Variants in ABHD6 observed in about 807,000 individuals in gnomAD.
ABHD6 encodes the protein monoacylglycerol lipase ABHD6.
In ABHD6, 33 loss-of-function variants were observed where a neutral mutation model predicts 38.8. That is an observed-to-expected ratio of 0.85 (90% CI 0.64 to 1.14). The LOEUF is 1.14. ABHD6 is among the 50% of genes most tolerant of loss of function. The pLI, the probability that ABHD6 is intolerant of heterozygous loss-of-function variation, is 0.00. For missense variants in ABHD6, 380 were observed against 422.6 expected, an observed-to-expected ratio of 0.90 and a Z score of 0.88; for synonymous variants, 147 against 161.6, an observed-to-expected ratio of 0.91 and a Z score of 0.69.
chr3:58,252,553 C>T (rs562830419), intron 2 of ABHD6, among the ~76,000 whole-genome samples: 3 of 152,172 alleles, frequency 2.0e-5, no homozygotes, highest in African/African-American at 7.2e-5. Flanking sequence ...CTCTTTGACC[C>T]AAGCAGGACT....
chr3:58,261,739 A>G (rs777673374), intron 3 of ABHD6, among the ~76,000 whole-genome samples: 6 of 152,188 alleles, frequency 3.9e-5, no homozygotes, highest in Non-Finnish European at 7.3e-5. Context: ...GGAACCCCCT[A>G]TGCACTGCTG....
At position 58,293,768 on chromosome 3, in the gene ABHD6, C is replaced by A; in HGVS notation, c.*3C>A. 1.2e-6 allele frequency: 2 copies of A among 1,613,336 alleles called. No homozygotes were observed. The highest frequency in any genetic ancestry group is 2.2e-5 in the South Asian group (2 of 91,060). On this transcript the variant is annotated 3_prime_UTR_variant, in exon 10 of 10. Coordinates refer to ENST00000478253, the MANE Select transcript of ABHD6 (RefSeq NM_001320126.2). This position sits in a 1 kb window ranked among gnomAD's most constrained non-coding sequence, Gnocchi z 4.4. ...ACAACAACAAGAAGCTGGACTGAGG[C>A]CCCGACTGCAGCCTGCATTCTGCAC...
chr3:58,254,485 T>A (rs2097431930), intron 2 of ABHD6, among the ~76,000 whole-genome samples: 4 of 152,244 alleles, frequency 2.6e-5, no homozygotes, highest in Admixed American at 2.6e-4. Flanking sequence ...AAAAGTGTGC[T>A]GACCCTTGTG....
At chr3:58,283,326 G>GAA in intron 7 of ABHD6, among the ~76,000 whole-genome samples, 1 of 152,282 alleles carries the variant, frequency 6.6e-6, no homozygotes, top group Non-Finnish European at 1.5e-5. Context: ...AACACCAAGA[G>GAA]AAAAATAAAT....
intron 9 of ABHD6, among the ~76,000 whole-genome samples, chr3:58,286,025 GTT>G (rs60835863): frequency 5.9e-4 from 81 of 136,738 alleles, no homozygotes; most frequent in Admixed American, 1.2e-3. Flanking sequence ...TTGTTCTTTT[GTT>G]TTTTTTTTTT....
chr3:58,270,858 G>C (rs767925986), intron 5 of ABHD6, 74 bp from the exon 6 acceptor site: 14 of 1,459,584 alleles, frequency 9.6e-6, no homozygotes, highest in Non-Finnish European at 1.3e-5. Context: ...AGTCCAGGGG[G>C]CTTCTATGCT....
intron 2 of ABHD6, among the ~76,000 whole-genome samples, chr3:58,254,691 G>A (rs1199851771): frequency 1.4e-4 from 22 of 152,104 alleles, no homozygotes; most frequent in Admixed American, 1.4e-3. Flanking sequence ...ACTTAGCACA[G>A]ATGGCAGGGA....
intron 1 of ABHD6, among the ~76,000 whole-genome samples, chr3:58,246,757 C>T (rs146995611): frequency 2.1e-3 from 316 of 152,154 alleles, no homozygotes; most frequent in African/African-American, 7.1e-3. Flanking sequence ...CAGGATAGAA[C>T]AATAAGAACG....
In ABHD6 at chr3:58,245,267, C is replaced by T. The variant is rs561658530; in HGVS notation, c.-90-4611C>T. 2.3e-4 allele frequency among the ~76,000 whole-genome samples: 35 copies of T among 152,276 alleles called. No homozygotes were observed. The East Asian group carries it at 5.4e-3, about 24-fold the overall frequency. On this transcript the variant is annotated intron_variant, in intron 1 of 9. Transcript: ENST00000478253. The stretch of plus-strand genomic sequence containing the variant: ...GCAAACTCTGCCTCCCAGGTTCAAG[C>T]GATTCTCCTGCCTCAGCCTCCTGAG...
chr3:58,269,556 C>A lies in ABHD6; in HGVS notation c.390+122C>A. Reference sequence around the variant, plus strand: ...ATGACCAGTCTCCTGTACATTCTGTCTACAAGTGATGGCAAGCCAAATGGC... The same window carrying A: ...ATGACCAGTCTCCTGTACATTCTGTATACAAGTGATGGCAAGCCAAATGGC... On this transcript the variant is annotated intron_variant, in intron 5 of 9. Coordinates refer to ENST00000478253, the MANE Select transcript of ABHD6 (RefSeq NM_001320126.2). This position sits in a 1 kb window ranked among gnomAD's most constrained non-coding sequence, Gnocchi z 4.4. 1.4e-6 allele frequency: 1 copy of A among 740,336 alleles called. No individual in the cohort carries two copies. The highest frequency in any genetic ancestry group is 2.2e-6 in the Non-Finnish European group (1 of 445,696). 45.9% of individuals were successfully genotyped at this position (740,336 alleles called of 1,614,324 possible). A position where few individuals can be genotyped will look rare whatever the true frequency, so the allele number is the denominator to read the frequency against.
chr3:58,257,932 A>T lies in ABHD6; in HGVS notation c.119+1227A>T, dbSNP rs527971620. Among the ~76,000 whole-genome samples the T allele has an allele frequency of 6.6e-6, 1 of 152,204 alleles. No homozygotes were observed. Among genetic ancestry groups the T allele is most frequent in the African/African-American group, 2.4e-5 (1 of 41,532 alleles). Reference sequence around the variant, plus strand: ...TTCCTTTAGAGTGAGCCATCTTTTTAAAAAAATCCTTAAATCAAGTATTTA... The same window carrying T: ...TTCCTTTAGAGTGAGCCATCTTTTTTAAAAAATCCTTAAATCAAGTATTTA... On this transcript the variant is annotated intron_variant, in intron 3 of 9. Transcript: ENST00000478253. The surrounding 1 kb of genome is among the most constrained non-coding windows in gnomAD (Gnocchi z 4.8).
chr3:58,275,440 CT>C (rs982948558), intron 7 of ABHD6, among the ~76,000 whole-genome samples: 20 of 150,204 alleles, frequency 1.3e-4, no homozygotes, highest in Non-Finnish European at 2.7e-4. Flanking sequence ...AGCGATTCTT[CT>C]GCCTCAGCCT....
chr3:58,290,299 C>T (rs2097461196), intron 9 of ABHD6, among the ~76,000 whole-genome samples: 1 of 92,748 alleles, frequency 1.1e-5, no homozygotes, highest in African/African-American at 4.3e-5. Flanking sequence ...GGGGGGCTGA[C>T]CCCCCCCACC....
chr3:58,248,633 G>T (rs1559770736), intron 1 of ABHD6, among the ~76,000 whole-genome samples: 1 of 152,328 alleles, frequency 6.6e-6, no homozygotes, highest in East Asian at 1.9e-4. Flanking sequence ...GGGAGGCGGA[G>T]GTTGCGGTGA....
chr3:58,253,491 G>T (rs1412044613), intron 2 of ABHD6, among the ~76,000 whole-genome samples: 1 of 152,194 alleles, frequency 6.6e-6, no homozygotes, highest in Non-Finnish European at 1.5e-5. Context: ...AGGGTAAATT[G>T]TAGCCAGTGT....
intron 9 of ABHD6, among the ~76,000 whole-genome samples, chr3:58,289,592 T>C (rs1008113037): frequency 6.6e-6 from 1 of 152,172 alleles, no homozygotes; most frequent in African/African-American, 2.4e-5. Flanking sequence ...CAGAAGAATC[T>C]TTCTTAGTAC....
chr3:58,289,875 C>A (rs1164079823), intron 9 of ABHD6, among the ~76,000 whole-genome samples: 1 of 134,218 alleles, frequency 7.5e-6, no homozygotes, highest in Non-Finnish European at 1.6e-5. Flanking sequence ...CTGACCCCCC[C>A]ACCTCCCTCC....
chr3:58,253,992 G>A (rs192421257), intron 2 of ABHD6, among the ~76,000 whole-genome samples: 3 of 152,316 alleles, frequency 2.0e-5, no homozygotes, highest in Admixed American at 2.0e-4. Flanking sequence ...CTTGAAGATG[G>A]AGAGCTCATA....
intron 7 of ABHD6, among the ~76,000 whole-genome samples, chr3:58,277,674 C>T (rs1359018427): frequency 6.6e-6 from 1 of 152,298 alleles, no homozygotes; most frequent in Non-Finnish European, 1.5e-5. Context: ...GAGAGGGCAT[C>T]CTTGTCTTGT....
Sources: allele counts gnomAD v4.1 joint callset (sites outside exome capture counted in the v4.1 genomes callset), GRCh38; gene constraint gnomAD v4.1.1; non-coding constraint Gnocchi (gnomAD v3.1); transcripts MANE v1.5; gene names NCBI Gene and HGNC (gene_info 2026-07-23, HGNC 2026-07-21).